NUP93: variants seen among roughly 807,000 people sequenced by gnomAD.
NUP93 encodes the protein nucleoporin 93.
A neutral mutation model predicts 107.8 loss-of-function variants in NUP93; 55 were observed. That is an observed-to-expected ratio of 0.51 (90% confidence interval 0.41 to 0.64). The LOEUF is 0.64. Ranked by LOEUF, NUP93 falls within the 30% of genes least tolerant of loss-of-function variation. NUP93 has a pLI of 0.00. For synonymous variants in NUP93, 390 were observed against 397.5 expected, an observed-to-expected ratio of 0.98 and a Z score of 0.22; for missense variants, 937 against 1,044.7, an observed-to-expected ratio of 0.90 and a Z score of 1.42.
chr16:56,819,899 A>T (rs1802807793), intron 6 of NUP93, among the ~76,000 whole-genome samples: 1 of 151,918 alleles, frequency 6.6e-6, no homozygotes, highest in African/African-American at 2.4e-5. Flanking sequence ...CACACATGAG[A>T]TCCCTTCCTT....
intron 16 of NUP93, 111 bp downstream of exon 16, chr16:56,834,889 C>T: frequency 1.2e-6 from 1 of 862,540 alleles, no homozygotes; most frequent in South Asian, 1.9e-5. Flanking sequence ...CAAATCTGAA[C>T]AGAGTTGCTT....
Position 56,844,791 on chromosome 16 carries a change from CT to C in NUP93, c.*193del, listed in dbSNP as rs201912559. 4.9e-4 allele frequency: 135 copies of C among 277,226 alleles called. No homozygotes were observed. Among genetic ancestry groups the C allele is most frequent in the Admixed American group, 3.6e-3 (37 of 10,216 alleles). 17.2% of individuals were successfully genotyped at this position (277,226 alleles called of 1,614,324 possible). A position where few individuals can be genotyped will look rare whatever the true frequency, so the allele number is the denominator to read the frequency against. On this transcript the variant is annotated 3_prime_UTR_variant, in exon 22 of 22. Transcript: ENST00000308159. ...TTTCTTTTCAACATTCTTTTATTTT[CT>C]TTTTTTTTTTCTTTGAAATTTTGTT...
chr16:56,817,345 T>C (rs1273938913), intron 5 of NUP93, among the ~76,000 whole-genome samples: 2 of 152,120 alleles, frequency 1.3e-5, no homozygotes, highest in Non-Finnish European at 2.9e-5. Flanking sequence ...CTCTCCCCTC[T>C]CTCCCCCTCT....
Position 56,834,200 on chromosome 16 carries a change from G to A in NUP93, c.1610G>A (p.Arg537Gln), listed in dbSNP as rs374706761. 5.9e-5 allele frequency: 96 copies of A among 1,613,990 alleles called. No individual in the cohort carries two copies. Among genetic ancestry groups the A allele is most frequent in the African/African-American group, 8.0e-5 (6 of 74,902 alleles). Residue 537 changes from arginine to glutamine, a missense_variant, in exon 14 of 22, where the codon CGG (arginine) becomes CAG (glutamine). Transcript: ENST00000308159. ...GTGCGGCTCCTCATGCTGTACACCC[G>A]GAAGTTTGAGTCCACGGACCCAAGG... ...NFVRLLMLYT[R>Q]KFESTDPREA...
chr16:56,771,712 G>C (rs1403275068), intron 3 of NUP93, among the ~76,000 whole-genome samples: 1 of 152,160 alleles, frequency 6.6e-6, no homozygotes, highest in Admixed American at 6.5e-5. Flanking sequence ...TTCCATCTGA[G>C]ATATACTTTG....
intron 2 of NUP93, among the ~76,000 whole-genome samples, chr16:56,754,885 A>G (rs189313868): frequency 6.6e-6 from 1 of 152,322 alleles, no homozygotes; most frequent in Admixed American, 6.5e-5. Context: ...ATTCTCTGGT[A>G]GCTGTTCGGA....
In NUP93 at chr16:56,841,905, T is replaced by G. The variant is rs1412431774; in HGVS notation, c.2349+72T>G. 36 of 1,569,424 alleles carry G rather than the reference T, an allele frequency of 2.3e-5. No homozygotes were observed. The East Asian group carries it at 7.9e-4, about 34-fold the overall frequency. On this transcript the variant is annotated intron_variant, in intron 21 of 21. Transcript: ENST00000308159. Reference sequence around the variant, plus strand: ...TGGTTTGGAATCCGTTGCGCTCTTATGAGACCACATGACCCAAAACTGCTC... The same window carrying G: ...TGGTTTGGAATCCGTTGCGCTCTTAGGAGACCACATGACCCAAAACTGCTC...
chr16:56,841,633 A>T, intron 20 of NUP93, 72 bp from the exon 21 acceptor site: 1 of 1,576,180 alleles, frequency 6.3e-7, no homozygotes, highest in Non-Finnish European at 8.6e-7. Context: ...GGAGCAGCCC[A>T]CCCTCCCTCC....
At chr16:56,831,720 T>A in intron 10 of NUP93, 122 bp from the exon 11 acceptor site, 1 of 981,410 alleles carries the variant, frequency 1.0e-6, no homozygotes, top group Non-Finnish European at 1.5e-6. Context: ...AGACAGTGTC[T>A]CTTACCCCGG....
intron 3 of NUP93, among the ~76,000 whole-genome samples, chr16:56,760,295 A>C (rs531029429): frequency 6.6e-6 from 1 of 152,296 alleles, no homozygotes; most frequent in East Asian, 1.9e-4. Context: ...TAGGAGGCTG[A>C]CGTGGGAGGA....
chr16:56,837,679 A>G lies in NUP93; in HGVS notation c.1971A>G (p.Gln657=), dbSNP rs145129346. Residue 657 remains glutamine (Q), a synonymous_variant, in exon 18 of 22, where the codon CAA becomes CAG. Transcript: ENST00000308159. The part of the protein sequence containing the change: ...SPVVPQISAP[Q]SNKERLKNMA... ...TCGTCCCCCAGATCAGTGCCCCGCA[A>G]TCCAACAAGGAGAGGCTGAAGAACA... 117 of 1,614,068 alleles carry G rather than the reference A, an allele frequency of 7.2e-5. No individual in the cohort carries two copies. Among genetic ancestry groups the G allele is most frequent in the Middle Eastern group, 6.6e-4 (4 of 6,084 alleles).
At chr16:56,837,952 T>A (rs1230482550) in intron 18 of NUP93, among the ~76,000 whole-genome samples, 3 of 152,246 alleles carry the variant, frequency 2.0e-5, no homozygotes, top group Non-Finnish European at 2.9e-5. Context: ...AAGAAATGGG[T>A]ATGAAAGGGC....
intron 4 of NUP93, 49 bp downstream of exon 4, chr16:56,798,587 G>A (rs1413747180): frequency 6.8e-7 from 1 of 1,469,982 alleles, no homozygotes; most frequent in Non-Finnish European, 9.5e-7. Flanking sequence ...GGGCAAGAGG[G>A]CTGGGCGTGG....
chr16:56,805,472 G>A, intron 4 of NUP93, 32 bp from the exon 5 acceptor site: 2 of 1,603,680 alleles, frequency 1.2e-6, no homozygotes, highest in Non-Finnish European at 1.7e-6. Flanking sequence ...TTTTTTTCCT[G>A]AGGGTCATTG....
intron 3 of NUP93, among the ~76,000 whole-genome samples, chr16:56,795,265 C>T (rs1377075933): frequency 1.3e-5 from 2 of 152,150 alleles, no homozygotes; most frequent in Non-Finnish European, 2.9e-5. Context: ...GTTTGTGAAC[C>T]GTGACACTAA....
intron 21 of NUP93, chr16:56,842,633 A>C (rs776569539): frequency 2.2e-6 from 1 of 450,298 alleles, no homozygotes; most frequent in South Asian, 1.6e-5. Flanking sequence ...GCTCACTGCA[A>C]CCTCTACCTC....
intron 5 of NUP93, among the ~76,000 whole-genome samples, chr16:56,811,025 T>G (rs572243823): frequency 6.6e-6 from 1 of 152,246 alleles, no homozygotes; most frequent in African/African-American, 2.4e-5. Context: ...ATTCTAGTAT[T>G]GGTGAACCTT....
At chr16:56,768,821 T>C (rs1266862610) in intron 3 of NUP93, among the ~76,000 whole-genome samples, 3 of 146,260 alleles carry the variant, frequency 2.1e-5, no homozygotes, top group South Asian at 2.2e-4. Context: ...GAGCCGAGAT[T>C]GCCCCACTGC....
intron 3 of NUP93, among the ~76,000 whole-genome samples, chr16:56,778,565 AC>A (rs1962457102): frequency 6.6e-6 from 1 of 152,186 alleles, no homozygotes; most frequent in Non-Finnish European, 1.5e-5. Context: ...AGCTGAGAAA[AC>A]AGAGGAAAAA....
Sources: allele counts gnomAD v4.1 joint callset (sites outside exome capture counted in the v4.1 genomes callset), GRCh38; gene constraint gnomAD v4.1.1; transcripts MANE v1.5; gene names NCBI Gene and HGNC (gene_info 2026-07-23, HGNC 2026-07-21).